Variants in PHF21A observed in about 807,000 individuals in gnomAD.
The protein encoded by PHF21A is BHC80a.
A neutral mutation model predicts 82.5 loss-of-function variants in PHF21A; 11 were observed. The ratio of observed to expected loss-of-function variants is 0.13; its 90% CI spans 0.08 to 0.22. The LOEUF is 0.22. PHF21A is among the 10% of genes least tolerant of loss of function. The pLI is 1.00. For missense variants in PHF21A, 579 were observed against 837.8 expected (o/e 0.69, Z 3.81); for synonymous variants, 297 against 302.8 (o/e 0.98, Z 0.20).
Position 45,946,017 on chromosome 11 carries a change from GA to G in PHF21A, c.1289-15del. On this transcript the variant is annotated splice_polypyrimidine_tract_variant and intron_variant, in intron 14 of 18. Coordinates refer to ENST00000676320, the MANE Select transcript of PHF21A (RefSeq NM_001352027.3). ...TTGGAGGACGACCTATATACCAAGA[GA>G]AGGGAACAAAAGGGAAAAACGGGGA... is the stretch of plus-strand genomic sequence containing the variant. 2 of 1,614,010 alleles carry G rather than the reference GA, an allele frequency of 1.2e-6. No homozygotes were observed. Among genetic ancestry groups the G allele is most frequent in the Non-Finnish European group, 1.7e-6 (2 of 1,179,944 alleles).
intron 6 of PHF21A, among the ~76,000 whole-genome samples, chr11:45,991,598 G>A (rs139761891): frequency 6.6e-5 from 10 of 151,940 alleles, no homozygotes; most frequent in African/African-American, 9.7e-5. Context: ...TTTCTCCTCC[G>A]CTCTGCTTTT....
chr11:46,036,556 G>T (rs2096008362), intron 6 of PHF21A, among the ~76,000 whole-genome samples: 1 of 152,112 alleles, frequency 6.6e-6, no homozygotes, highest in African/African-American at 2.4e-5. Flanking sequence ...AGGTATGAAT[G>T]ATCTTCATTT....
chr11:46,046,474 C>T (rs771261872), intron 6 of PHF21A, among the ~76,000 whole-genome samples: 2 of 152,140 alleles, frequency 1.3e-5, no homozygotes, highest in South Asian at 2.1e-4. Flanking sequence ...AACCAGAGCT[C>T]GTCATACAGG....
chr11:45,969,299 G>C (rs571649440), intron 9 of PHF21A, among the ~76,000 whole-genome samples: 1 of 152,340 alleles, frequency 6.6e-6, no homozygotes, highest in South Asian at 2.1e-4. Context: ...GTCATGCAGA[G>C]CTGCTCGGGC....
intron 6 of PHF21A, among the ~76,000 whole-genome samples, chr11:45,995,678 C>G (rs1292959869): frequency 6.6e-6 from 1 of 152,160 alleles, no homozygotes; most frequent in Non-Finnish European, 1.5e-5. Flanking sequence ...GTCTGCAAGA[C>G]CAGCACATGT....
chr11:46,013,673 A>C (rs564374134), intron 6 of PHF21A, among the ~76,000 whole-genome samples: 12 of 152,194 alleles, frequency 7.9e-5, no homozygotes, highest in Non-Finnish European at 1.8e-4. Context: ...AAACAAACTT[A>C]GATGGTACAG....
intron 6 of PHF21A, among the ~76,000 whole-genome samples, chr11:46,006,511 A>C (rs1413615227): frequency 6.6e-6 from 1 of 152,232 alleles, no homozygotes; most frequent in Non-Finnish European, 1.5e-5. Flanking sequence ...AAGGAGTCTA[A>C]AAGTTTACTG....
At chr11:45,939,427 A>T (rs553767691) in intron 15 of PHF21A, among the ~76,000 whole-genome samples, 1 of 152,352 alleles carries the variant, frequency 6.6e-6, no homozygotes, top group East Asian at 1.9e-4. Context: ...TGAAAGTTCA[A>T]ATGGGAAAAT....
chr11:46,078,147 T>G (rs1183437801), intron 5 of PHF21A, among the ~76,000 whole-genome samples: 1 of 152,164 alleles, frequency 6.6e-6, no homozygotes, highest in Non-Finnish European at 1.5e-5. Flanking sequence ...AGGAGAAGTT[T>G]CTCACGGAAG....
Position 45,965,443 on chromosome 11 carries a change from C to T in PHF21A, c.868G>A (p.Gly290Arg). 2.5e-6 allele frequency: 4 copies of T among 1,614,048 alleles called. No individual in the cohort carries two copies. The highest frequency in any genetic ancestry group is 3.4e-6 in the Non-Finnish European group (4 of 1,180,008). ...NSIHPVRVVN[G>R]QTATIAKTFP... The stretch of plus-strand genomic sequence containing the variant: ...GTTTTGGCTATGGTTGCAGTCTGCC[C>T]ATTGACGACACGGACGGGGTGGATG... Residue 290 changes from glycine to arginine, a missense_variant, in exon 10 of 19, where the codon GGG becomes AGG. By Grantham distance (125) the Gly-to-Arg change is moderately radical (BLOSUM62 -2). Transcript: ENST00000676320.
At chr11:45,958,707 C>T (rs1273195339) in intron 10 of PHF21A, among the ~76,000 whole-genome samples, 5 of 151,784 alleles carry the variant, frequency 3.3e-5, no homozygotes, top group South Asian at 2.1e-4. Flanking sequence ...CTTGAGTCCA[C>T]GAGTTCGAGA....
rs149931947 is a variant in PHF21A, at chr11:45,993,601, T to C, written c.154-13635A>G. Among the ~76,000 whole-genome samples, 298 of 151,636 alleles carry C rather than the reference T, an allele frequency of 2.0e-3. 1 individual carries two copies. The highest frequency in any genetic ancestry group is 3.6e-3 in the Admixed American group (55 of 15,172). On this transcript the variant is annotated intron_variant, in intron 6 of 18. Coordinates refer to ENST00000676320, the MANE Select transcript of PHF21A (RefSeq NM_001352027.3). ...TTTCTGGGGCTCACAGGAGGTTGGG[T>C]GGCATCCAAGCAGACTGACTGAATG...
At chr11:46,076,841 C>T in intron 5 of PHF21A, 22 bp from the exon 6 acceptor site, 1 of 1,582,388 alleles carries the variant, frequency 6.3e-7, no homozygotes, top group African/African-American at 1.3e-5. Context: ...GAAAAAATAT[C>T]TGTGAGAAAG....
chr11:46,068,431 G>A (rs932081594), intron 6 of PHF21A, among the ~76,000 whole-genome samples: 1 of 152,134 alleles, frequency 6.6e-6, no homozygotes, highest in African/African-American at 2.4e-5. Context: ...TAGAGAGGTG[G>A]TGTCAGTTAT....
intron 1 of PHF21A, among the ~76,000 whole-genome samples, chr11:46,113,254 T>C (rs1188616480): frequency 6.6e-6 from 1 of 152,222 alleles, no homozygotes; most frequent in African/African-American, 2.4e-5. Flanking sequence ...GTCTGAACTA[T>C]CTAGCACAAT....
At chr11:46,036,041 C>A (rs2095995806) in intron 6 of PHF21A, among the ~76,000 whole-genome samples, 1 of 151,964 alleles carries the variant, frequency 6.6e-6, no homozygotes, top group South Asian at 2.1e-4. Context: ...ATAAGCCAGG[C>A]AAGAGATAAT....
chr11:45,969,118 CCTT>C (rs1465268293), intron 9 of PHF21A, among the ~76,000 whole-genome samples: 3 of 152,298 alleles, frequency 2.0e-5, no homozygotes, highest in East Asian at 3.9e-4. Flanking sequence ...CCACAAAACT[CCTT>C]CTTCTTCTCC....
At chr11:46,059,881 C>T (rs557782190) in intron 6 of PHF21A, among the ~76,000 whole-genome samples, 31 of 152,162 alleles carry the variant, frequency 2.0e-4, no homozygotes, top group African/African-American at 7.5e-4. Context: ...CACCCACCAC[C>T]ACGCCCAGCT....
chr11:45,977,595 C>A (rs144598265), intron 7 of PHF21A, among the ~76,000 whole-genome samples: 268 of 152,266 alleles, frequency 1.8e-3, no homozygotes, highest in African/African-American at 6.0e-3. Context: ...ACAACCTAAC[C>A]CAATTCTGTT....
Sources: allele counts gnomAD v4.1 joint callset (sites outside exome capture counted in the v4.1 genomes callset), GRCh38; gene constraint gnomAD v4.1.1; transcripts MANE v1.5; gene names NCBI Gene and HGNC (gene_info 2026-07-23, HGNC 2026-07-21).